Variants in VDR observed in about 807,000 individuals in gnomAD.
The protein encoded by VDR is vitamin D3 receptor.
VDR carries 19 observed loss-of-function variants against 39.7 expected under a neutral mutation model. That is an observed-to-expected ratio of 0.48 (90% CI 0.33 to 0.70). The LOEUF (loss-of-function observed/expected upper bound fraction) is 0.70, where lower values mean the gene tolerates loss of function less well. Ranked by LOEUF, VDR falls within the 30% of genes least tolerant of loss-of-function variation. The pLI is 0.02. For missense variants in VDR, 442 were observed against 570.5 expected, an observed-to-expected ratio of 0.77 and a Z score of 2.29; for synonymous variants, 242 against 215.8, an observed-to-expected ratio of 1.12 and a Z score of -1.07.
At chr12:47,902,487 T>G (rs1946584429) in intron 1 of VDR, among the ~76,000 whole-genome samples, 1 of 152,176 alleles carries the variant, frequency 6.6e-6, no homozygotes, top group Non-Finnish European at 1.5e-5. Flanking sequence ...CTGCTATCCC[T>G]CAGAGGGCCT....
intron 1 of VDR, among the ~76,000 whole-genome samples, chr12:47,901,817 C>T (rs1002395910): frequency 6.6e-6 from 1 of 152,212 alleles, no homozygotes; most frequent in Non-Finnish European, 1.5e-5. Context: ...GCAGACCTTC[C>T]TGTCCCTGTC....
intron 7 of VDR, among the ~76,000 whole-genome samples, chr12:47,852,228 C>A (rs1277974525): frequency 1.3e-5 from 2 of 152,222 alleles, no homozygotes; most frequent in African/African-American, 4.8e-5. Context: ...GCCGTGGGGG[C>A]CCTCTGTCCT....
chr12:47,852,099 G>T (rs368975209), intron 7 of VDR, among the ~76,000 whole-genome samples: 1 of 152,204 alleles, frequency 6.6e-6, no homozygotes, highest in Non-Finnish European at 1.5e-5. Context: ...TTAGTGAAGG[G>T]GGCAGCATTG....
chr12:47,877,077 G>T (rs1023627719), intron 3 of VDR, among the ~76,000 whole-genome samples: 2 of 152,322 alleles, frequency 1.3e-5, no homozygotes, highest in Non-Finnish European at 2.9e-5. Context: ...TTGAAGTCTG[G>T]TGACGGAATG....
intron 4 of VDR, among the ~76,000 whole-genome samples, chr12:47,861,111 C>T (rs531444833): frequency 6.6e-6 from 1 of 152,354 alleles, no homozygotes; most frequent in African/African-American, 2.4e-5. Flanking sequence ...CAGTCTGGTT[C>T]TGGAGTGGAA....
At position 47,871,297 on chromosome 12, in the gene VDR, T is replaced by TCTTTCTTTCTTC. The variant is rs1491416347; in HGVS notation, c.147-6121_147-6120insGAAGAAAGAAAG. ...TTTTCTCTTTCTTTCTCTTTCTCTT[T>TCTTTCTTTCTTC]CTTTCTTTCTTTCTTTCTTTCTTTC... is the stretch of plus-strand genomic sequence containing the variant. On this transcript the variant is annotated intron_variant, in intron 3 of 9. Coordinates refer to ENST00000549336, the MANE Select transcript of VDR (RefSeq NM_000376.3). Among the ~76,000 whole-genome samples the TCTTTCTTTCTTC allele has an allele frequency of 1.9e-3, 186 of 98,876 alleles. 3 individuals carry two copies. The highest frequency in any genetic ancestry group is 7.1e-3 in the African/African-American group (178 of 25,172). 64.9% of individuals were successfully genotyped at this position (98,876 alleles called of 152,430 possible).
Position 47,846,678 on chromosome 12 carries a change from G to T in VDR, c.886C>A (p.Arg296Ser). Residue 296 changes from arginine (R) to serine (S), a missense_variant, in exon 8 of 10, where the codon CGC becomes AGC. By Grantham distance (110) the Arg-to-Ser change is moderately radical (BLOSUM62 -1). Transcript: ENST00000549336. ...ATACCTTTGGTCACGTCACTGACGC[G>T]GTACTTGTAGTCTTGGTTGCCACAG... ...WTCGNQDYKYRVSDVTKAGHS... is the reference protein window; with the variant it reads ...WTCGNQDYKYSVSDVTKAGHS... The T allele has an allele frequency of 6.2e-7, 1 of 1,613,956 alleles. No individual in the cohort carries two copies. Among genetic ancestry groups the T allele is most frequent in the Non-Finnish European group, 8.5e-7 (1 of 1,180,040 alleles).
chr12:47,893,282 C>T (rs1233159069), intron 1 of VDR, among the ~76,000 whole-genome samples: 2 of 152,160 alleles, frequency 1.3e-5, no homozygotes, highest in African/African-American at 2.4e-5. Context: ...TTCATTGAGA[C>T]GTTAGCTATG....
At chr12:47,883,433 C>A (rs1486771647) in intron 1 of VDR, among the ~76,000 whole-genome samples, 2 of 152,194 alleles carry the variant, frequency 1.3e-5, no homozygotes. Flanking sequence ...TGTTTTCTGC[C>A]ACTTTTAGCT....
Position 47,888,420 on chromosome 12 carries a change from G to A in VDR, c.-83-5646C>T, listed in dbSNP as rs562839078. The stretch of plus-strand genomic sequence containing the variant: ...GGGAACTCCAGCAGCTTCTTGGAGC[G>A]TGGCAGGACTCAGAGTGGGGAGCCC... On this transcript the variant is annotated intron_variant, in intron 1 of 9. Transcript: ENST00000549336. Among the ~76,000 whole-genome samples, 105 of 152,332 alleles carry A rather than the reference G, an allele frequency of 6.9e-4. 1 individual carries two copies. The highest frequency in any genetic ancestry group is 3.9e-4 in the Admixed American group (6 of 15,304).
chr12:47,863,682 C>T (rs1464334974), intron 4 of VDR, among the ~76,000 whole-genome samples: 1 of 152,182 alleles, frequency 6.6e-6, no homozygotes, highest in African/African-American at 2.4e-5. Flanking sequence ...GAGCGACCAG[C>T]GTGCCCAGGC....
At position 47,857,185 on chromosome 12, in the gene VDR, G is replaced by A. The variant is rs749140677; in HGVS notation, c.527C>T (p.Pro176Leu). ...GGAGGAGGAGTCCCCAGAGAAGCTGGGAGTGTGTCTGGAGTTGGGCCTGGA... is the reference window on the plus strand; with the variant it reads ...GGAGGAGGAGTCCCCAGAGAAGCTGAGAGTGTGTCTGGAGTTGGGCCTGGA... ...HPSRPNSRHT[P>L]SFSGDSSSSC... The change falls in exon 6 of 10, where the codon CCC (proline) becomes CTC (leucine). Residue 176 changes from proline (P) to leucine (L), a missense_variant. This residue lies in a region of VDR where 77 missense variants were observed against 67.4 expected (regional missense o/e 1.14). Transcript: ENST00000549336. 1.2e-6 allele frequency: 2 copies of A among 1,614,174 alleles called. No individual in the cohort carries two copies. Among genetic ancestry groups the A allele is most frequent in the Admixed American group, 3.3e-5 (2 of 60,022 alleles).
Position 47,891,717 on chromosome 12 carries a change from C to T in VDR, c.-83-8943G>A, listed in dbSNP as rs1207258555. Reference sequence around the variant, plus strand: ...TCCCAAGTTGTCACTGATTACCACCCTTACAGCCATCATCCTTCCTGTCCC... The same window carrying T: ...TCCCAAGTTGTCACTGATTACCACCTTTACAGCCATCATCCTTCCTGTCCC... On this transcript the variant is annotated intron_variant, in intron 1 of 9. Coordinates refer to ENST00000549336, the MANE Select transcript of VDR (RefSeq NM_000376.3). Among the ~76,000 whole-genome samples the T allele has an allele frequency of 3.3e-5, 5 of 152,352 alleles. No homozygotes were observed. The South Asian group carries it at 1.0e-3, about 32-fold the overall frequency.
At chr12:47,885,938 G>A (rs1946244801) in intron 1 of VDR, among the ~76,000 whole-genome samples, 1 of 152,196 alleles carries the variant, frequency 6.6e-6, no homozygotes, top group Admixed American at 6.5e-5. Flanking sequence ...CTCAGTGAGT[G>A]AGACTCACTC....
At chr12:47,855,503 G>A in intron 7 of VDR, 127 bp downstream of exon 7, 2 of 1,159,092 alleles carry the variant, frequency 1.7e-6, no homozygotes, top group East Asian at 2.7e-5. Context: ...CTGCGTGACA[G>A]AGCAAGATGC....
intron 1 of VDR, among the ~76,000 whole-genome samples, chr12:47,889,422 A>G (rs1946321101): frequency 6.6e-6 from 1 of 152,134 alleles, no homozygotes; most frequent in Admixed American, 6.5e-5. Context: ...CATTCTTACA[A>G]TCAACACAGA....
chr12:47,845,253 C>CCTGTCCATGCT (rs1284233286), intron 9 of VDR, among the ~76,000 whole-genome samples: 3 of 152,012 alleles, frequency 2.0e-5, no homozygotes, highest in Non-Finnish European at 4.4e-5. Context: ...GGCCTTGCTC[C>CCTGTCCATGCT]CTGTCCATGC....
chr12:47,890,377 TTA>T (rs60534556), intron 1 of VDR, among the ~76,000 whole-genome samples: 20,117 of 141,050 alleles, frequency 0.14, 4,631 homozygotes, highest in African/African-American at 0.5. Flanking sequence ...AATATATATT[TTA>T]TATATATATA....
intron 1 of VDR, among the ~76,000 whole-genome samples, chr12:47,885,303 A>T (rs1467947720): frequency 6.6e-6 from 1 of 152,206 alleles, no homozygotes; most frequent in East Asian, 1.9e-4. Context: ...CCCAGTGCTG[A>T]CCTTGCCTTA....
Sources: gnomAD v4.1 joint callset for allele counts (sites outside exome capture counted in the v4.1 genomes callset) on GRCh38, gnomAD v4.1.1 for gene constraint, gnomAD v4.1.1 regional missense constraint, MANE v1.5 for transcripts, NCBI Gene and HGNC (gene_info 2026-07-23, HGNC 2026-07-21) for gene names.